TMEFF2: variants seen among roughly 807,000 people sequenced by gnomAD.
TMEFF2 encodes the protein transmembrane protein with EGF like and two follistatin like domains 2, also known as tomoregulin-2.
In TMEFF2, 28 loss-of-function variants were observed where a neutral mutation model predicts 53.8. The observed-to-expected ratio is 0.52, with a 90% confidence interval of 0.39 to 0.71. The LOEUF is 0.71. TMEFF2 is among the 30% of genes least tolerant of loss of function. The pLI, the probability that TMEFF2 is intolerant of heterozygous loss-of-function variation, is 0.00. For synonymous variants in TMEFF2, 162 were observed against 166.3 expected (o/e 0.97, Z 0.20); for missense variants, 353 against 455.2 (o/e 0.78, Z 2.04).
At chr2:192,001,649 TA>T (rs771889141) in intron 5 of TMEFF2, among the ~76,000 whole-genome samples, 5 of 152,156 alleles carry the variant, frequency 3.3e-5, no homozygotes, top group African/African-American at 7.2e-5. Flanking sequence ...TGGGGGCAGG[TA>T]TTTCCCTTGC....
At chr2:192,193,162 C>A (rs1398140642) in intron 1 of TMEFF2, among the ~76,000 whole-genome samples, 1 of 152,182 alleles carries the variant, frequency 6.6e-6, no homozygotes, top group African/African-American at 2.4e-5. Context: ...TTATATACAT[C>A]TTTGAAAGAC....
chr2:191,990,093 T>A (rs947162573), intron 7 of TMEFF2, among the ~76,000 whole-genome samples: 2 of 152,134 alleles, frequency 1.3e-5, no homozygotes, highest in African/African-American at 4.8e-5. Context: ...GATTACTACA[T>A]TCTTGTTATG....
At chr2:191,983,871 T>C (rs570527181) in intron 7 of TMEFF2, among the ~76,000 whole-genome samples, 1 of 152,360 alleles carries the variant, frequency 6.6e-6, no homozygotes, top group Admixed American at 6.5e-5. Context: ...TTCAATATCG[T>C]TTCTAAATGG....
rs185003230 is a variant in TMEFF2, at chr2:192,110,890, T to C, written c.440-53115A>G. On this transcript the variant is annotated intron_variant, in intron 4 of 9. Coordinates refer to ENST00000272771, the MANE Select transcript of TMEFF2 (RefSeq NM_016192.4). ...CCCCCATATACTGTTCTCATGGTAC[T>C]GAATAAGTCTCATGAGATCTGATGG... Among the ~76,000 whole-genome samples, 714 of 152,310 alleles carry C rather than the reference T, an allele frequency of 4.7e-3. 2 individuals carry two copies. Among genetic ancestry groups the C allele is most frequent in the Non-Finnish European group, 5.4e-3 (369 of 68,034 alleles).
chr2:191,974,266 TTTTG>T lies in TMEFF2; in HGVS notation c.746-17892_746-17889del, dbSNP rs199796963. 5.6e-3 allele frequency among the ~76,000 whole-genome samples: 846 copies of T among 152,180 alleles called. 15 individuals are homozygous for T. Among genetic ancestry groups the T allele is most frequent in the African/African-American group, 0.019 (794 of 41,528 alleles). ...CTATAGATAATTGAGACAGAATTTT[TTTTG>T]TGTGTGTGTGTGGCCTGGAGAGATT... On this transcript the variant is annotated intron_variant, in intron 7 of 9. Transcript: ENST00000272771.
chr2:192,045,575 C>A (rs1475852342), intron 5 of TMEFF2, among the ~76,000 whole-genome samples: 1 of 152,196 alleles, frequency 6.6e-6, no homozygotes, highest in Non-Finnish European at 1.5e-5. Context: ...CTCCAGCCAA[C>A]CCTGTTCATT....
At position 192,132,109 on chromosome 2, in the gene TMEFF2, G is replaced by A. The variant is rs554789536; in HGVS notation, c.439+47559C>T. 2.8e-4 allele frequency among the ~76,000 whole-genome samples: 42 copies of A among 149,958 alleles called. 1 individual carries two copies. The highest frequency in any genetic ancestry group is 5.9e-4 in the East Asian group (3 of 5,124). On this transcript the variant is annotated intron_variant, in intron 4 of 9. Transcript: ENST00000272771. ...GACCCATCTGACCTCTCCCCTCCTC[G>A]CCAGGCCAAGCTAGGCCCCAATTCT...
intron 9 of TMEFF2, 117 bp from the exon 10 acceptor site, chr2:191,950,524 A>C (rs1370943539): frequency 7.2e-7 from 1 of 1,386,352 alleles, no homozygotes; most frequent in African/African-American, 1.4e-5. Context: ...CAGATGAAAG[A>C]ATTTATCATT....
At chr2:191,991,595 G>A (rs1686109217) in intron 7 of TMEFF2, among the ~76,000 whole-genome samples, 1 of 152,020 alleles carries the variant, frequency 6.6e-6, no homozygotes, top group African/African-American at 2.4e-5. Context: ...ACGATAGCAT[G>A]GCCAATGTTT....
At chr2:192,010,097 GTA>G (rs1686589608) in intron 5 of TMEFF2, among the ~76,000 whole-genome samples, 1 of 152,154 alleles carries the variant, frequency 6.6e-6, no homozygotes, top group Non-Finnish European at 1.5e-5. Context: ...GTTTGTGTCT[GTA>G]TAAAAGCGAC....
intron 4 of TMEFF2, among the ~76,000 whole-genome samples, chr2:192,131,173 A>G (rs11684423): frequency 3.5e-3 from 40 of 11,276 alleles, no homozygotes; most frequent in Admixed American, 7.5e-3. Flanking sequence ...CTTTTCTGGG[A>G]AAAGGGCAAG....
chr2:192,018,141 G>GGA (rs1686782957), intron 5 of TMEFF2, among the ~76,000 whole-genome samples: 1 of 152,128 alleles, frequency 6.6e-6, no homozygotes, highest in South Asian at 2.1e-4. Context: ...AAATTCTACT[G>GGA]GAGTCTGTAA....
rs1691565095 is a variant in TMEFF2 at position 192,194,748 on chromosome 2, T to A, written c.-224A>T. On this transcript the variant is annotated 5_prime_UTR_variant, in exon 1 of 10. Coordinates refer to ENST00000272771, the MANE Select transcript of TMEFF2 (RefSeq NM_016192.4). The surrounding 1 kb of genome is among the most constrained non-coding windows in gnomAD (Gnocchi z 4.2). ...GCCCCGGAGCGAGAGGGTCGTCCGCTGAGAAGCTGCGCCGGAGACGCGGGA... is the reference window on the plus strand; with the variant it reads ...GCCCCGGAGCGAGAGGGTCGTCCGCAGAGAAGCTGCGCCGGAGACGCGGGA... 1.8e-6 allele frequency: 1 copy of A among 569,356 alleles called. No homozygotes were observed. The highest frequency in any genetic ancestry group is 2.1e-5 in the South Asian group (1 of 48,232). The allele number at this position is 569,356 out of a possible 1,614,324, so 35.3% of individuals were successfully genotyped here.
chr2:192,128,087 G>A (rs1203919504), intron 4 of TMEFF2, among the ~76,000 whole-genome samples: 1 of 152,056 alleles, frequency 6.6e-6, no homozygotes, highest in African/African-American at 2.4e-5. Context: ...GTAGTTTTTA[G>A]TATTTTACAT....
chr2:192,152,795 G>C (rs1378473911), intron 4 of TMEFF2, among the ~76,000 whole-genome samples: 1 of 151,820 alleles, frequency 6.6e-6, no homozygotes, highest in Admixed American at 6.6e-5. Flanking sequence ...TAACCTACAG[G>C]CCACTAATTT....
Position 192,038,844 on chromosome 2 carries a change from A to C in TMEFF2, c.536+18835T>G, listed in dbSNP as rs75081655. ...CCATTGTATTGTTTTCCTTTTAAAAAGAAAGCCTTCCTGACAAGTAACTTT... is the reference window on the plus strand; with the variant it reads ...CCATTGTATTGTTTTCCTTTTAAAACGAAAGCCTTCCTGACAAGTAACTTT... On this transcript the variant is annotated intron_variant, in intron 5 of 9. Coordinates refer to ENST00000272771, the MANE Select transcript of TMEFF2 (RefSeq NM_016192.4). 4.7e-4 allele frequency among the ~76,000 whole-genome samples: 71 copies of C among 152,330 alleles called. No homozygotes were observed. In the East Asian group the frequency reaches 0.014, roughly 29 times the overall value.
rs1463976470 is a variant in TMEFF2 at position 192,169,088 on chromosome 2, A to G, written c.439+10580T>C. ...AGCAAATATTTAACAAAATTCTACT[A>G]AGCACCAGGCTTTCTTTTCTAATAT... is the stretch of plus-strand genomic sequence containing the variant. On this transcript the variant is annotated intron_variant, in intron 4 of 9. Coordinates refer to ENST00000272771, the MANE Select transcript of TMEFF2 (RefSeq NM_016192.4). 1.3e-5 allele frequency among the ~76,000 whole-genome samples: 2 copies of G among 152,070 alleles called. 1 individual carries two copies. Among genetic ancestry groups the G allele is most frequent in the African/African-American group, 4.8e-5 (2 of 41,412 alleles).
At chr2:191,971,647 T>G (rs191604525) in intron 7 of TMEFF2, among the ~76,000 whole-genome samples, 1 of 152,322 alleles carries the variant, frequency 6.6e-6, no homozygotes, top group Admixed American at 6.5e-5. Context: ...AGCTTGATCC[T>G]ACTCACACCT....
intron 4 of TMEFF2, among the ~76,000 whole-genome samples, chr2:192,076,910 C>A (rs1688444729): frequency 6.6e-6 from 1 of 152,306 alleles, no homozygotes; most frequent in South Asian, 2.1e-4. Flanking sequence ...AGGGCTCAGT[C>A]TTCTGACTAC....
Sources: gnomAD v4.1 joint callset for allele counts (sites outside exome capture counted in the v4.1 genomes callset) on GRCh38, gnomAD v4.1.1 for gene constraint, Gnocchi (gnomAD v3.1) non-coding constraint, MANE v1.5 for transcripts, NCBI Gene and HGNC (gene_info 2026-07-23, HGNC 2026-07-21) for gene names.